The following IMMP2L variants were observed in gnomAD, a reference collection of about 807,000 sequenced individuals.
IMMP2L encodes inner mitochondrial membrane peptidase subunit 2, also known as mitochondrial inner membrane protease subunit 2.
A neutral mutation model predicts 19.3 loss-of-function variants in IMMP2L; 18 were observed. The observed-to-expected ratio is 0.93, with a 90% CI of 0.64 to 1.38. The LOEUF is 1.38. IMMP2L is among the 40% of genes most tolerant of loss of function. The pLI is 0.00. For missense variants in IMMP2L, 233 were observed against 218.2 expected (o/e 1.07, Z -0.43); for synonymous variants, 76 against 73.0 (o/e 1.04, Z -0.21).
intron 3 of IMMP2L, among the ~76,000 whole-genome samples, chr7:111,369,726 T>C (rs1270292050): frequency 1.3e-5 from 2 of 152,022 alleles, no homozygotes. Context: ...ATTAACTGTA[T>C]GCTTGATTTA....
At position 111,438,632 on chromosome 7, in the gene IMMP2L, C is replaced by A. The variant is rs577777567; in HGVS notation, c.239+48606G>T. On this transcript the variant is annotated intron_variant, in intron 3 of 5. Transcript: ENST00000405709. The stretch of plus-strand genomic sequence containing the variant: ...GAAGAAATGATAATGAAATATAAAA[C>A]CTTTCTCTTCTAGGTTATTGTTTAC... 2.3e-4 allele frequency among the ~76,000 whole-genome samples: 35 copies of A among 151,918 alleles called. 1 individual carries two copies. The highest frequency in any genetic ancestry group is 8.2e-4 in the African/African-American group (34 of 41,246).
At chr7:111,047,177 T>G (rs150285109) in intron 3 of IMMP2L, among the ~76,000 whole-genome samples, 115,330 of 139,794 alleles carry the variant, frequency 0.82, 47,013 homozygotes, top group Non-Finnish European at 0.91. Context: ...TCTTTTTTGT[T>G]TTTTTTTTGT....
chr7:111,485,056 A>G (rs1842514599), intron 3 of IMMP2L, among the ~76,000 whole-genome samples: 1 of 152,124 alleles, frequency 6.6e-6, no homozygotes, highest in Admixed American at 6.5e-5. Flanking sequence ...CCAAAGTGCC[A>G]GGATTACAGG....
chr7:111,204,704 T>A (rs930651056), intron 3 of IMMP2L, among the ~76,000 whole-genome samples: 1 of 152,210 alleles, frequency 6.6e-6, no homozygotes, highest in Non-Finnish European at 1.5e-5. Flanking sequence ...AGAAATGATT[T>A]AATCTTTACA....
chr7:110,748,922 T>A (rs1246123136), intron 5 of IMMP2L, among the ~76,000 whole-genome samples: 1 of 152,124 alleles, frequency 6.6e-6, no homozygotes, highest in Non-Finnish European at 1.5e-5. Context: ...ACTAAAGAGC[T>A]TTTGCACAGC....
At chr7:110,919,265 A>G (rs1051707873) in intron 4 of IMMP2L, among the ~76,000 whole-genome samples, 3 of 152,216 alleles carry the variant, frequency 2.0e-5, no homozygotes, top group African/African-American at 7.2e-5. Context: ...TTTCTGATTG[A>G]CTTTTCCTAA....
chr7:111,329,107 T>C (rs1825625590), intron 3 of IMMP2L, among the ~76,000 whole-genome samples: 1 of 151,850 alleles, frequency 6.6e-6, no homozygotes, highest in African/African-American at 2.4e-5. Flanking sequence ...TTATTCAGTA[T>C]TCAAATTCAT....
rs1818338639 is a variant in IMMP2L, at chr7:111,270,500, CTTATA to C, written c.239+216733_239+216737del. On this transcript the variant is annotated intron_variant, in intron 3 of 5. Transcript: ENST00000405709. ...TATGTAGATGTAGTCCATCAGTTAT[CTTATA>C]TATTTATCAGAGTTCACTATAAAGA... 2.0e-5 allele frequency among the ~76,000 whole-genome samples: 3 copies of C among 151,928 alleles called. No individual in the cohort carries two copies. In the South Asian group the frequency reaches 6.2e-4, roughly 32 times the overall value.
chr7:111,410,011 G>A (rs559290921), intron 3 of IMMP2L, among the ~76,000 whole-genome samples: 4 of 151,876 alleles, frequency 2.6e-5, no homozygotes, highest in Admixed American at 2.6e-4. Flanking sequence ...GGGATGGCTG[G>A]AATTTGTGGG....
At chr7:111,298,537 G>T (rs1396394012) in intron 3 of IMMP2L, among the ~76,000 whole-genome samples, 1 of 152,012 alleles carries the variant, frequency 6.6e-6, no homozygotes. Flanking sequence ...ATCACCTAAG[G>T]TCAGGAGTTC....
chr7:110,945,798 A>T (rs2129553522), intron 4 of IMMP2L, among the ~76,000 whole-genome samples: 1 of 152,264 alleles, frequency 6.6e-6, no homozygotes, highest in African/African-American at 2.4e-5. Context: ...TTGTGAGCAG[A>T]ATCAGACCCT....
chr7:111,294,095 A>G (rs1266987681), intron 3 of IMMP2L, among the ~76,000 whole-genome samples: 1 of 151,978 alleles, frequency 6.6e-6, no homozygotes, highest in African/African-American at 2.4e-5. Context: ...AAAGCATTCA[A>G]GAATATTCAG....
chr7:110,677,919 T>G (rs560655953), intron 5 of IMMP2L, among the ~76,000 whole-genome samples: 1 of 152,086 alleles, frequency 6.6e-6, no homozygotes, highest in Non-Finnish European at 1.5e-5. Flanking sequence ...GATTGCCCCC[T>G]CTGGTATCAC....
intron 1 of IMMP2L, among the ~76,000 whole-genome samples, chr7:111,557,621 A>G (rs758117823): frequency 2.0e-5 from 3 of 152,182 alleles, no homozygotes; most frequent in Non-Finnish European, 2.9e-5. Flanking sequence ...AGAGATCAAG[A>G]GCTCTTGCTA....
intron 5 of IMMP2L, among the ~76,000 whole-genome samples, chr7:110,843,326 T>G (rs896130315): frequency 2.6e-5 from 4 of 152,182 alleles, no homozygotes; most frequent in African/African-American, 9.7e-5. Context: ...CTCCAATTTA[T>G]TACTGATTTG....
chr7:111,309,885 G>A (rs1445589924), intron 3 of IMMP2L, among the ~76,000 whole-genome samples: 2 of 151,880 alleles, frequency 1.3e-5, no homozygotes, highest in Non-Finnish European at 2.9e-5. Context: ...TATTTTGATG[G>A]CACTATTTCA....
At chr7:110,672,619 C>T (rs555465267) in intron 5 of IMMP2L, among the ~76,000 whole-genome samples, 1 of 152,270 alleles carries the variant, frequency 6.6e-6, no homozygotes, top group East Asian at 1.9e-4. Flanking sequence ...GTCCTAGATG[C>T]AATGAGGGTA....
chr7:110,749,569 A>C (rs1797595857), intron 5 of IMMP2L, among the ~76,000 whole-genome samples: 2 of 152,188 alleles, frequency 1.3e-5, no homozygotes, highest in African/African-American at 4.8e-5. Context: ...TGCATCCATA[A>C]AAAAGGATGA....
chr7:111,058,302 A>C (rs1211225003), intron 3 of IMMP2L, among the ~76,000 whole-genome samples: 1 of 152,196 alleles, frequency 6.6e-6, no homozygotes, highest in Non-Finnish European at 1.5e-5. Context: ...AATGTACACC[A>C]AGACTGTACT....
Sources: gnomAD v4.1 joint callset for allele counts (sites outside exome capture counted in the v4.1 genomes callset) on GRCh38, gnomAD v4.1.1 for gene constraint, MANE v1.5 for transcripts, NCBI Gene and HGNC (gene_info 2026-07-23, HGNC 2026-07-21) for gene names.